KCMF1: variants seen among roughly 807,000 people sequenced by gnomAD.
The protein encoded by KCMF1 is E3 ubiquitin-protein ligase KCMF1.
A neutral mutation model predicts 41.1 loss-of-function variants in KCMF1; 3 were observed. The ratio of observed to expected loss-of-function variants is 0.07; its 90% CI spans 0.03 to 0.19. The LOEUF is 0.19. Ranked by LOEUF, KCMF1 falls within the 10% of genes least tolerant of loss-of-function variation. The pLI is 1.00. For synonymous variants in KCMF1, 142 were observed against 164.5 expected, an observed-to-expected ratio of 0.86 and a Z score of 1.04; for missense variants, 286 against 488.9, an observed-to-expected ratio of 0.58 and a Z score of 3.91.
At chr2:84,999,572 T>A (rs1674278654) in intron 1 of KCMF1, among the ~76,000 whole-genome samples, 1 of 152,232 alleles carries the variant, frequency 6.6e-6, no homozygotes, top group Non-Finnish European at 1.5e-5. Flanking sequence ...TACCTATACC[T>A]ACTTACAATA....
Position 85,055,014 on chromosome 2 carries a change from C to A in KCMF1, c.*1605C>A, listed in dbSNP as rs1675895939. On this transcript the variant is annotated 3_prime_UTR_variant, in exon 7 of 7. Coordinates refer to ENST00000409785, the MANE Select transcript of KCMF1 (RefSeq NM_020122.5). ...GCTTCTCCTCTGAAACTTCAAACTC[C>A]AACGATTTCCAAATACAATAGCTTT... 1 of 152,220 alleles carries A rather than the reference C, an allele frequency of 6.6e-6. No homozygotes were observed. Among genetic ancestry groups the A allele is most frequent in the South Asian group, 2.1e-4 (1 of 4,832 alleles). The allele number at this position is 152,220 out of a possible 1,614,324, so 9.4% of individuals were successfully genotyped here. A position where few individuals can be genotyped will look rare whatever the true frequency, so the allele number is the denominator to read the frequency against.
At chr2:85,045,349 C>T (rs966647092) in intron 4 of KCMF1, among the ~76,000 whole-genome samples, 1 of 152,084 alleles carries the variant, frequency 6.6e-6, no homozygotes, top group Non-Finnish European at 1.5e-5. Context: ...TATGATGGAA[C>T]AGGGCATGTA....
intron 1 of KCMF1, among the ~76,000 whole-genome samples, chr2:85,010,289 T>C (rs531055506): frequency 3.7e-4 from 56 of 152,108 alleles, no homozygotes; most frequent in Non-Finnish European, 7.1e-4. Context: ...GGCAACGTAG[T>C]GAAACCCCGT....
intron 1 of KCMF1, among the ~76,000 whole-genome samples, chr2:84,998,027 A>C (rs1195077388): frequency 1.4e-5 from 2 of 147,576 alleles, no homozygotes; most frequent in Non-Finnish European, 3.0e-5. Flanking sequence ...CCCACCTCGG[A>C]CTCCCATAGT....
chr2:85,020,242 C>CA (rs1328521861), intron 1 of KCMF1, among the ~76,000 whole-genome samples: 8 of 152,160 alleles, frequency 5.3e-5, no homozygotes, highest in Admixed American at 5.2e-4. Context: ...TGTCAGGCTA[C>CA]ACACCAAAAA....
intron 1 of KCMF1, among the ~76,000 whole-genome samples, chr2:84,983,083 T>C (rs993038323): frequency 6.6e-6 from 1 of 152,216 alleles, no homozygotes; most frequent in African/African-American, 2.4e-5. Context: ...CTACAAGCTT[T>C]TTAAAAGCCA....
At chr2:85,023,597 A>G (rs1675009938) in intron 1 of KCMF1, among the ~76,000 whole-genome samples, 2 of 152,212 alleles carry the variant, frequency 1.3e-5, no homozygotes, top group South Asian at 4.1e-4. Flanking sequence ...CTGGGATTAC[A>G]GGCGTGAGCC....
At chr2:85,049,063 T>A (rs114763064) in intron 5 of KCMF1, among the ~76,000 whole-genome samples, 1,898 of 152,324 alleles carry the variant, frequency 0.012, 51 homozygotes, top group African/African-American at 0.044. Flanking sequence ...ACCACTTCAT[T>A]AAATACTAAG....
chr2:84,976,827 C>T (rs1026636252), intron 1 of KCMF1, among the ~76,000 whole-genome samples: 3 of 151,878 alleles, frequency 2.0e-5, no homozygotes, highest in African/African-American at 4.8e-5. Context: ...TACAAGACTA[C>T]GTAGGCCATT....
chr2:85,036,756 C>T (rs1675411007), intron 3 of KCMF1, among the ~76,000 whole-genome samples: 1 of 150,760 alleles, frequency 6.6e-6, no homozygotes, highest in South Asian at 2.1e-4. Context: ...TGTGCCACTG[C>T]ATTGCACTGC....
chr2:85,045,730 C>T (rs1367280062), intron 4 of KCMF1, among the ~76,000 whole-genome samples: 1 of 152,144 alleles, frequency 6.6e-6, no homozygotes, highest in Non-Finnish European at 1.5e-5. Flanking sequence ...TGCTTAGCAG[C>T]GGCATTGGAA....
rs1037767235 is a variant in KCMF1 at position 85,055,141 on chromosome 2, C to T, written c.*1732C>T. 2 of 151,908 alleles carry T rather than the reference C, an allele frequency of 1.3e-5. No homozygotes were observed. The highest frequency in any genetic ancestry group is 2.9e-5 in the Non-Finnish European group (2 of 67,966). The allele number at this position is 151,908 out of a possible 1,614,324, so 9.4% of individuals were successfully genotyped here. A position where few individuals can be genotyped will look rare whatever the true frequency, so the allele number is the denominator to read the frequency against. The stretch of plus-strand genomic sequence containing the variant: ...CCCATTAGGGATTTTCATTTTTTTT[C>T]ATTTGGTTGTTGAGAAGTTTCAAAA... On this transcript the variant is annotated 3_prime_UTR_variant, in exon 7 of 7. Coordinates refer to ENST00000409785, the MANE Select transcript of KCMF1 (RefSeq NM_020122.5).
At chr2:85,052,824 A>G (rs1284227028) in intron 6 of KCMF1, among the ~76,000 whole-genome samples, 4 of 152,164 alleles carry the variant, frequency 2.6e-5, no homozygotes, top group Non-Finnish European at 5.9e-5. Context: ...TACTTTCCCA[A>G]GCATCTAATC....
At chr2:84,977,622 A>G (rs1040480444) in intron 1 of KCMF1, among the ~76,000 whole-genome samples, 1 of 150,178 alleles carries the variant, frequency 6.7e-6, no homozygotes, top group Non-Finnish European at 1.5e-5. Context: ...TGGATCTTCC[A>G]GTATTGCCTA....
chr2:85,048,775 T>G (rs1675731666), intron 5 of KCMF1, among the ~76,000 whole-genome samples: 1 of 152,182 alleles, frequency 6.6e-6, no homozygotes, highest in Non-Finnish European at 1.5e-5. Context: ...TGAGCACTGG[T>G]AGTGGTATCT....
At chr2:85,008,654 G>A (rs998320131) in intron 1 of KCMF1, among the ~76,000 whole-genome samples, 2 of 151,624 alleles carry the variant, frequency 1.3e-5, no homozygotes, top group African/African-American at 4.8e-5. Flanking sequence ...TGCTTTGTTG[G>A]ACCTGAGCTG....
At position 85,035,180 on chromosome 2, in the gene KCMF1, C is replaced by T. The variant is rs116536394; in HGVS notation, c.324+25C>T. The T allele has an allele frequency of 7.0e-3, 11,178 of 1,595,714 alleles. 89 individuals carry two copies. Among genetic ancestry groups the T allele is most frequent in the Middle Eastern group, 8.3e-3 (50 of 6,004 alleles). On this transcript the variant is annotated intron_variant, in intron 3 of 6. Coordinates refer to ENST00000409785, the MANE Select transcript of KCMF1 (RefSeq NM_020122.5). ...GGTAAGTGAAGCAGCAACCTTATGA[C>T]TAAAATGATGTTGTAAAGTATATTA...
intron 1 of KCMF1, among the ~76,000 whole-genome samples, chr2:85,007,364 G>A (rs941167823): frequency 5.1e-4 from 78 of 152,200 alleles, no homozygotes; most frequent in African/African-American, 1.8e-3. Context: ...CGGCTTCCCC[G>A]AGTTTCCAAG....
chr2:85,035,265 C>A, intron 3 of KCMF1, 110 bp downstream of exon 3: 1 of 928,562 alleles, frequency 1.1e-6, no homozygotes, highest in African/African-American at 1.7e-5. Context: ...GTAATGATAC[C>A]GTTTGCATAG....
Sources: allele counts gnomAD v4.1 joint callset (sites outside exome capture counted in the v4.1 genomes callset), GRCh38; gene constraint gnomAD v4.1.1; transcripts MANE v1.5; gene names NCBI Gene and HGNC (gene_info 2026-07-23, HGNC 2026-07-21).